The following LAMA2 variants were observed in gnomAD, a reference collection of about 807,000 sequenced individuals.
LAMA2 encodes the protein laminin subunit alpha-2.
LAMA2 carries 269 observed loss-of-function variants against 364.8 expected under a neutral mutation model. That is an observed-to-expected ratio of 0.74 (90% confidence interval 0.67 to 0.82). The LOEUF (loss-of-function observed/expected upper bound fraction) is 0.82, where lower values mean the gene tolerates loss of function less well. LAMA2 is among the 40% of genes least tolerant of loss of function. LAMA2 has a pLI of 0.00. For synonymous variants in LAMA2, 1,379 were observed against 1,370.6 expected (o/e 1.01, Z -0.14); for missense variants, 3,807 against 3,873.2 (o/e 0.98, Z 0.45).
chr6:128,885,190 A>G (rs1430684920), intron 1 of LAMA2, among the ~76,000 whole-genome samples: 2 of 152,212 alleles, frequency 1.3e-5, no homozygotes, highest in Non-Finnish European at 2.9e-5. Context: ...TGTCTTTGTC[A>G]TAGACCATTT....
chr6:129,428,486 G>A (rs944740857), intron 41 of LAMA2, among the ~76,000 whole-genome samples: 6 of 152,084 alleles, frequency 3.9e-5, no homozygotes, highest in African/African-American at 7.2e-5. Flanking sequence ...ATGAAGTCTC[G>A]CTCTGTCAAC....
intron 1 of LAMA2, among the ~76,000 whole-genome samples, chr6:129,007,284 G>A (rs1784501386): frequency 6.6e-6 from 1 of 152,134 alleles, no homozygotes; most frequent in African/African-American, 2.4e-5. Context: ...AGCACCTCTT[G>A]GCAGCACTGC....
intron 12 of LAMA2, among the ~76,000 whole-genome samples, chr6:129,249,669 T>C (rs1367758363): frequency 6.6e-6 from 1 of 152,212 alleles, no homozygotes; most frequent in Non-Finnish European, 1.5e-5. Flanking sequence ...GTAAAGTGCC[T>C]GTCAAATGGA....
intron 44 of LAMA2, among the ~76,000 whole-genome samples, chr6:129,444,440 G>T (rs939414384): frequency 6.6e-6 from 1 of 152,082 alleles, no homozygotes; most frequent in East Asian, 1.9e-4. Context: ...AAAATAAAGG[G>T]ATCACTGTGT....
chr6:129,192,827 G>C lies in LAMA2; in HGVS notation c.1756G>C (p.Ala586Pro), dbSNP rs752648056. ...CCTGCCGCACAGCTACTACTGGAGC[G>C]CGCCGGCTCCCTATCTGGGAAACAA... ...QALPHSYYWSAPAPYLGNKLP... is the reference protein window; with the variant it reads ...QALPHSYYWSPPAPYLGNKLP... Residue 586 changes from alanine (A) to proline (P), a missense_variant, in exon 12 of 65, where the codon GCG becomes CCG. Ala to Pro is a conservative substitution (Grantham distance 27). Around this residue, in one of 3 missense-constraint regions of LAMA2, gnomAD observed 3,333 missense variants for 3,345.7 expected, o/e 1.00. Transcript: ENST00000421865. The C allele has an allele frequency of 8.7e-6, 14 of 1,613,952 alleles. No homozygotes were observed. In the Middle Eastern group the frequency reaches 4.9e-4, roughly 57 times the overall value.
At chr6:129,230,401 G>T (rs984136814) in intron 12 of LAMA2, among the ~76,000 whole-genome samples, 2 of 152,084 alleles carry the variant, frequency 1.3e-5, no homozygotes, top group African/African-American at 4.8e-5. Flanking sequence ...AGAATAAGAA[G>T]AAAGAATATG....
intron 1 of LAMA2, among the ~76,000 whole-genome samples, chr6:129,010,368 C>T (rs897571858): frequency 2.0e-5 from 3 of 152,156 alleles, no homozygotes; most frequent in Non-Finnish European, 2.9e-5. Context: ...TTTCTTTCCT[C>T]TTTCGTTTAG....
At chr6:129,338,847 A>G (rs1374507258) in intron 29 of LAMA2, among the ~76,000 whole-genome samples, 1 of 152,100 alleles carries the variant, frequency 6.6e-6, no homozygotes, top group African/African-American at 2.4e-5. Context: ...AAGTCCCAGC[A>G]GTGATAAAGA....
intron 34 of LAMA2, among the ~76,000 whole-genome samples, chr6:129,380,238 TAAG>T (rs1371749258): frequency 3.3e-5 from 5 of 152,090 alleles, no homozygotes; most frequent in African/African-American, 1.2e-4. Context: ...AGAGAAGAGT[TAAG>T]AAGCAAAAGT....
chr6:129,449,669 T>G (rs2114782051), intron 45 of LAMA2, among the ~76,000 whole-genome samples: 1 of 152,314 alleles, frequency 6.6e-6, no homozygotes, highest in Admixed American at 6.5e-5. Context: ...ATTTGTTAGA[T>G]ATGTATTCTA....
At chr6:129,426,829 A>G (rs1781348037) in intron 40 of LAMA2, among the ~76,000 whole-genome samples, 1 of 152,218 alleles carries the variant, frequency 6.6e-6, no homozygotes, top group Non-Finnish European at 1.5e-5. Flanking sequence ...GATAAAAATA[A>G]TGTAACTAAG....
intron 53 of LAMA2, among the ~76,000 whole-genome samples, chr6:129,476,731 T>A (rs1032014662): frequency 3.9e-5 from 6 of 152,206 alleles, no homozygotes; most frequent in African/African-American, 1.2e-4. Flanking sequence ...GAAATTCACC[T>A]TCTCTGTGCA....
chr6:129,375,196 A>G (rs958739021), intron 34 of LAMA2, among the ~76,000 whole-genome samples: 30 of 152,138 alleles, frequency 2.0e-4, no homozygotes, highest in Non-Finnish European at 3.8e-4. Context: ...TATCTCTTTC[A>G]ATGCATTTTG....
chr6:129,004,751 C>T (rs187688910), intron 1 of LAMA2, among the ~76,000 whole-genome samples: 3 of 152,092 alleles, frequency 2.0e-5, no homozygotes, highest in Non-Finnish European at 4.4e-5. Context: ...TATGTTACAG[C>T]TTGCACTTGT....
At chr6:129,041,969 T>TGTTGC (rs1787128842) in intron 1 of LAMA2, among the ~76,000 whole-genome samples, 1 of 145,536 alleles carries the variant, frequency 6.9e-6, no homozygotes, top group African/African-American at 2.6e-5. Flanking sequence ...GCTATTGCAC[T>TGTTGC]CCAACCTGGG....
intron 1 of LAMA2, among the ~76,000 whole-genome samples, chr6:128,898,545 A>G (rs552786445): frequency 6.6e-6 from 1 of 152,318 alleles, no homozygotes; most frequent in South Asian, 2.1e-4. Flanking sequence ...AAATATCCAC[A>G]TCTTTTTGTC....
intron 22 of LAMA2, among the ~76,000 whole-genome samples, chr6:129,301,339 C>T (rs759061733): frequency 1.1e-4 from 17 of 152,050 alleles, no homozygotes; most frequent in Non-Finnish European, 2.1e-4. Context: ...CATTGGTAGA[C>T]CATAGAAATT....
chr6:129,329,518 C>T (rs953480797), intron 29 of LAMA2, among the ~76,000 whole-genome samples: 1 of 152,100 alleles, frequency 6.6e-6, no homozygotes, highest in Non-Finnish European at 1.5e-5. Context: ...CACGCCACCA[C>T]ACCTGGATAT....
chr6:129,333,707 T>C (rs1775786883), intron 29 of LAMA2, among the ~76,000 whole-genome samples: 1 of 152,210 alleles, frequency 6.6e-6, no homozygotes, highest in Non-Finnish European at 1.5e-5. Flanking sequence ...GGTTAATCTA[T>C]ACACATTCTT....
Sources: allele counts gnomAD v4.1 joint callset (sites outside exome capture counted in the v4.1 genomes callset), GRCh38; gene constraint gnomAD v4.1.1; regional missense constraint gnomAD v4.1.1; transcripts MANE v1.5; gene names NCBI Gene and HGNC (gene_info 2026-07-23, HGNC 2026-07-21).